The following FRMD3 variants were observed in gnomAD, a reference collection of about 807,000 sequenced individuals.
The protein encoded by FRMD3 is FERM domain-containing protein 3.
Under a neutral mutation model 70.2 loss-of-function variants are expected in FRMD3, and 33 were observed. That is an observed-to-expected ratio of 0.47 (90% CI 0.36 to 0.63). The LOEUF is 0.63. Ranked by LOEUF, FRMD3 falls within the 20% of genes least tolerant of loss-of-function variation. The probability of loss-of-function intolerance (pLI) is 0.00; values close to 1 mark genes in which losing one functional copy is unlikely to be tolerated. For synonymous variants in FRMD3, 279 were observed against 255.9 expected (o/e 1.09, Z -0.86); for missense variants, 632 against 711.4 (o/e 0.89, Z 1.27).
intron 1 of FRMD3, among the ~76,000 whole-genome samples, chr9:83,401,450 T>C (rs11140067): frequency 0.35 from 53,071 of 151,808 alleles, 10,177 homozygotes; most frequent in East Asian, 0.49. Flanking sequence ...GATGAAATAA[T>C]ACAAATTAGT....
chr9:83,407,878 T>TCTCTC (rs1826164799), intron 1 of FRMD3, among the ~76,000 whole-genome samples: 1 of 89,048 alleles, frequency 1.1e-5, no homozygotes, highest in Non-Finnish European at 2.1e-5. Flanking sequence ...TCTCTCATCT[T>TCTCTC]TCTCTCTCTC....
chr9:83,292,628 C>T (rs1487231435), intron 12 of FRMD3, among the ~76,000 whole-genome samples: 1 of 152,080 alleles, frequency 6.6e-6, no homozygotes, highest in Non-Finnish European at 1.5e-5. Flanking sequence ...TATTTCATAA[C>T]TACCCCCAAC....
intron 3 of FRMD3, among the ~76,000 whole-genome samples, chr9:83,372,603 C>G (rs1825011079): frequency 1.3e-5 from 2 of 152,018 alleles, no homozygotes; most frequent in African/African-American, 4.8e-5. Flanking sequence ...TCAAAAGGAA[C>G]CAGGTACCTG....
chr9:83,577,413 G>A, the FRMD3 span, among the ~76,000 whole-genome samples: 2 of 151,988 alleles, frequency 1.3e-5, no homozygotes, highest in South Asian at 4.1e-4. Context: ...TCACATTTAT[G>A]GTCAACTGAT....
intron 1 of FRMD3, among the ~76,000 whole-genome samples, chr9:83,481,457 TA>T (rs1236071375): frequency 6.6e-6 from 1 of 152,204 alleles, no homozygotes; most frequent in African/African-American, 2.4e-5. Flanking sequence ...CAAAGATTTT[TA>T]GAAGGCTATC....
intron 1 of FRMD3, among the ~76,000 whole-genome samples, chr9:83,479,781 G>GGAAGGAA: frequency 5.8e-5 from 1 of 17,384 alleles, no homozygotes; most frequent in East Asian, 6.1e-4. Context: ...GAGGGAGGGA[G>GGAAGGAA]GGAGGGAAGG....
At chr9:83,250,803 T>C (rs1832374851) in intron 13 of FRMD3, among the ~76,000 whole-genome samples, 1 of 152,184 alleles carries the variant, frequency 6.6e-6, no homozygotes, top group Admixed American at 6.5e-5. Context: ...GGATAGGACT[T>C]CCTTGTGGGG....
intron 3 of FRMD3, among the ~76,000 whole-genome samples, chr9:83,356,700 T>C (rs1002230104): frequency 6.6e-6 from 1 of 152,114 alleles, no homozygotes; most frequent in African/African-American, 2.4e-5. Flanking sequence ...ATATACATTC[T>C]GATTTACAGC....
chr9:83,544,478 C>T, the FRMD3 span, among the ~76,000 whole-genome samples: 1 of 152,168 alleles, frequency 6.6e-6, no homozygotes, highest in South Asian at 2.1e-4. Context: ...ATTCCACAGG[C>T]CAGATAATTG....
At chr9:83,467,890 T>C in intron 1 of FRMD3, 1 of 982,714 alleles carries the variant, frequency 1.0e-6, no homozygotes, top group Non-Finnish European at 1.4e-6. Context: ...TTTTAATTGT[T>C]CAAGAACCTG....
chr9:83,367,032 C>T (rs1040735073), intron 3 of FRMD3, among the ~76,000 whole-genome samples: 4 of 149,666 alleles, frequency 2.7e-5, no homozygotes, highest in Non-Finnish European at 3.0e-5. Flanking sequence ...AGCTCTGTCT[C>T]AAAAAACAAA....
the FRMD3 span, among the ~76,000 whole-genome samples, chr9:83,558,261 C>T: frequency 1.3e-5 from 2 of 151,350 alleles, no homozygotes; most frequent in South Asian, 4.2e-4. Flanking sequence ...AACGCATGCA[C>T]GTGTGTGTGT....
At chr9:83,298,871 G>C (rs1834787058) in intron 11 of FRMD3, 55 bp from the exon 12 acceptor site, 3 of 1,514,356 alleles carry the variant, frequency 2.0e-6, no homozygotes, top group Non-Finnish European at 2.8e-6. Flanking sequence ...AGAATGGGAG[G>C]GATATGCACA....
intron 1 of FRMD3, among the ~76,000 whole-genome samples, chr9:83,394,753 C>A (rs917543914): frequency 6.6e-6 from 1 of 152,160 alleles, no homozygotes; most frequent in Non-Finnish European, 1.5e-5. Context: ...CTAATTTTTA[C>A]AATCACAAAC....
intron 1 of FRMD3, among the ~76,000 whole-genome samples, chr9:83,461,650 C>T (rs1827973948): frequency 1.5e-5 from 2 of 131,034 alleles, no homozygotes; most frequent in South Asian, 5.2e-4. Context: ...AATCTTAATT[C>T]CTTCAGGAAT....
At chr9:83,566,954 C>G in the FRMD3 span, among the ~76,000 whole-genome samples, 96 of 152,344 alleles carry the variant, frequency 6.3e-4, no homozygotes, top group Admixed American at 1.0e-3. Context: ...CCTCTTTTCA[C>G]AGTTCCACTA....
At chr9:83,440,868 G>T (rs1457064920) in intron 1 of FRMD3, among the ~76,000 whole-genome samples, 1 of 152,152 alleles carries the variant, frequency 6.6e-6, no homozygotes, top group Non-Finnish European at 1.5e-5. Flanking sequence ...GGAGGTGTGG[G>T]GGCCATTAGG....
At chr9:83,325,954 C>A (rs1299649333) in intron 6 of FRMD3, among the ~76,000 whole-genome samples, 2 of 152,222 alleles carry the variant, frequency 1.3e-5, no homozygotes, top group Admixed American at 6.5e-5. Flanking sequence ...ACCCACTTAT[C>A]TGCATATTGT....
At position 83,247,038 on chromosome 9, in the gene FRMD3, A is replaced by C. The variant is rs1832139886; in HGVS notation, c.*880T>G. The C allele has an allele frequency of 1.0e-6, 1 of 985,094 alleles. No individual in the cohort carries two copies. Among genetic ancestry groups the C allele is most frequent in the Admixed American group, 6.2e-5 (1 of 16,250 alleles). 61.0% of individuals were successfully genotyped at this position (985,094 alleles called of 1,614,324 possible). A position where few individuals can be genotyped will look rare whatever the true frequency, so the allele number is the denominator to read the frequency against. ...GTTACCTTTTTTCCTTTAAACTCTC[A>C]CTTTCTTTTTAAAACATCTGCTTCT... On this transcript the variant is annotated 3_prime_UTR_variant, in exon 14 of 14. Transcript: ENST00000304195.
Sources: gnomAD v4.1 joint callset for allele counts (sites outside exome capture counted in the v4.1 genomes callset) on GRCh38, gnomAD v4.1.1 for gene constraint, MANE v1.5 for transcripts, NCBI Gene and HGNC (gene_info 2026-07-23, HGNC 2026-07-21) for gene names.